The following CPNE4 variants were observed in gnomAD, a reference collection of about 807,000 sequenced individuals.
The protein encoded by CPNE4 is copine-4.
In CPNE4, 25 loss-of-function variants were observed where a neutral mutation model predicts 67.9. The ratio of observed to expected loss-of-function variants is 0.37; its 90% CI spans 0.27 to 0.51. CPNE4 has a LOEUF of 0.51. Among genes scored for constraint, CPNE4 ranks in the 20% least tolerant of loss-of-function variants. The pLI is 0.93. For synonymous variants in CPNE4, 242 were observed against 244.9 expected (o/e 0.99, Z 0.11); for missense variants, 464 against 690.8 (o/e 0.67, Z 3.68).
At chr3:131,613,051 A>G in intron 7 of CPNE4, among the ~76,000 whole-genome samples, 1 of 152,324 alleles carries the variant, frequency 6.6e-6, no homozygotes, top group African/African-American at 2.4e-5. Flanking sequence ...TTTGGTTTGA[A>G]TGATCTGGTC....
rs575573401 is a variant in CPNE4 at position 131,886,224 on chromosome 3, G to A, written c.180+19040C>T. Among the ~76,000 whole-genome samples, 105 of 152,294 alleles carry A rather than the reference G, an allele frequency of 6.9e-4. 1 individual carries two copies. The highest frequency in any genetic ancestry group is 2.4e-3 in the African/African-American group (101 of 41,562). On this transcript the variant is annotated intron_variant, in intron 2 of 15. Transcript: ENST00000429747. ...AGCTGCTCCAGCCGTGGCTGAAAGG[G>A]GCCAATGTGGAGCTTGGAATTCAAA...
intron 7 of CPNE4, among the ~76,000 whole-genome samples, chr3:131,643,415 G>A (rs574741509): frequency 8.7e-4 from 132 of 152,228 alleles, no homozygotes; most frequent in Non-Finnish European, 1.1e-3. Flanking sequence ...TGGATTGGGT[G>A]TATTTACCCA....
chr3:131,764,026 C>T (rs1346248103), intron 2 of CPNE4, among the ~76,000 whole-genome samples: 1 of 151,974 alleles, frequency 6.6e-6, no homozygotes, highest in Non-Finnish European at 1.5e-5. Flanking sequence ...TTTATGATTC[C>T]TATTTCACTG....
intron 9 of CPNE4, among the ~76,000 whole-genome samples, chr3:131,576,406 GA>G (rs948813052): frequency 2.1e-4 from 32 of 149,412 alleles, no homozygotes; most frequent in African/African-American, 2.7e-4. Context: ...ACTCATGGAA[GA>G]AAAAAAAAAT....
At chr3:131,967,126 A>G (rs2072373038) in intron 1 of CPNE4, among the ~76,000 whole-genome samples, 1 of 152,214 alleles carries the variant, frequency 6.6e-6, no homozygotes, top group Non-Finnish European at 1.5e-5. Flanking sequence ...CAAAAACCAC[A>G]TGATTATCTC....
upstream of CPNE4, among the ~76,000 whole-genome samples, chr3:132,036,727 T>C (rs2074345613): frequency 6.6e-6 from 1 of 152,236 alleles, no homozygotes; most frequent in African/African-American, 2.4e-5. Context: ...TTTGTCGTCT[T>C]GTTCATAATT....
chr3:132,030,155 A>G (rs574463474), intron 1 of CPNE4, among the ~76,000 whole-genome samples: 1 of 152,360 alleles, frequency 6.6e-6, no homozygotes, highest in East Asian at 1.9e-4. Flanking sequence ...AATAAAGATC[A>G]GCAGTGCACA....
intron 2 of CPNE4, among the ~76,000 whole-genome samples, chr3:131,900,143 GA>G (rs965699769): frequency 6.6e-6 from 1 of 151,598 alleles, no homozygotes; most frequent in African/African-American, 2.4e-5. Context: ...AACTCTACAG[GA>G]AAAAAAATCT....
chr3:132,018,686 C>T (rs1004960539), intron 1 of CPNE4, among the ~76,000 whole-genome samples: 2 of 152,154 alleles, frequency 1.3e-5, no homozygotes, highest in Non-Finnish European at 2.9e-5. Context: ...TTAAAGCAAA[C>T]CAGTTCCAAA....
chr3:131,728,648 C>A (rs898168259), intron 2 of CPNE4, among the ~76,000 whole-genome samples: 1 of 152,010 alleles, frequency 6.6e-6, no homozygotes, highest in Admixed American at 6.6e-5. Flanking sequence ...CAGTGGCTCA[C>A]GCCTATAATC....
intron 9 of CPNE4, among the ~76,000 whole-genome samples, chr3:131,580,865 A>G (rs994116500): frequency 1.3e-5 from 2 of 152,166 alleles, no homozygotes; most frequent in Non-Finnish European, 2.9e-5. Context: ...CAGTATGAAT[A>G]AGGTACCACA....
At chr3:131,591,934 T>C (rs1248104300) in intron 7 of CPNE4, among the ~76,000 whole-genome samples, 1 of 152,188 alleles carries the variant, frequency 6.6e-6, no homozygotes, top group Non-Finnish European at 1.5e-5. Flanking sequence ...TGTGAGAGCA[T>C]AGCACCTCAA....
rs2074313177 is a variant in CPNE4 at position 132,034,852 on chromosome 3, C to G, written c.-287G>C. On this transcript the variant is annotated 5_prime_UTR_variant, in exon 1 of 16. Transcript: ENST00000429747. ...GGTGAAAATGTTGGAGATGTCAGGTCGGCTCTCAGTTAACTCGGAGAGTAA... is the reference window on the plus strand; with the variant it reads ...GGTGAAAATGTTGGAGATGTCAGGTGGGCTCTCAGTTAACTCGGAGAGTAA... 1.0e-6 allele frequency: 1 copy of G among 984,830 alleles called. No homozygotes were observed. The allele number at this position is 984,830 out of a possible 1,614,324, so 61.0% of individuals were successfully genotyped here.
chr3:131,922,597 A>G (rs532182193), intron 1 of CPNE4, among the ~76,000 whole-genome samples: 1 of 152,370 alleles, frequency 6.6e-6, no homozygotes, highest in South Asian at 2.1e-4. Flanking sequence ...GAGATGCTCA[A>G]ATGGATGAGT....
chr3:131,665,625 A>C (rs11914566), intron 7 of CPNE4, among the ~76,000 whole-genome samples: 50,103 of 151,548 alleles, frequency 0.33, 8,637 homozygotes, highest in African/African-American at 0.4. Flanking sequence ...CGCCACTGCA[A>C]TCCAGCCTGG....
chr3:131,643,939 C>A (rs1472562153), intron 7 of CPNE4, among the ~76,000 whole-genome samples: 1 of 152,142 alleles, frequency 6.6e-6, no homozygotes, highest in Admixed American at 6.5e-5. Context: ...CTCAATTAAA[C>A]CTCTTTCCAT....
At chr3:131,849,902 C>T (rs961628570) in intron 2 of CPNE4, among the ~76,000 whole-genome samples, 9 of 152,078 alleles carry the variant, frequency 5.9e-5, no homozygotes, top group East Asian at 3.9e-4. Flanking sequence ...GTTCTTTGTT[C>T]CACAACATCA....
intron 1 of CPNE4, among the ~76,000 whole-genome samples, chr3:131,985,213 C>T (rs953408669): frequency 6.6e-6 from 1 of 152,176 alleles, no homozygotes; most frequent in Non-Finnish European, 1.5e-5. Context: ...ACTCTACCCT[C>T]ATCACCTAAA....
chr3:131,696,466 T>A (rs1303519155), intron 5 of CPNE4, 76 bp downstream of exon 5: 1 of 1,369,960 alleles, frequency 7.3e-7, no homozygotes, highest in Non-Finnish European at 1.0e-6. Context: ...GGAAAAATAG[T>A]TGCAGGGGGA....
Sources: gnomAD v4.1 joint callset for allele counts (sites outside exome capture counted in the v4.1 genomes callset) on GRCh38, gnomAD v4.1.1 for gene constraint, MANE v1.5 for transcripts, NCBI Gene and HGNC (gene_info 2026-07-23, HGNC 2026-07-21) for gene names.